Variants in CALN1 observed in about 807,000 individuals in gnomAD.
The protein encoded by CALN1 is calneuron 1.
CALN1 carries 17 observed loss-of-function variants against 30.6 expected under a neutral mutation model. The observed-to-expected ratio is 0.56, with a 90% CI of 0.38 to 0.83. The LOEUF is 0.83. Ranked by LOEUF, CALN1 falls within the 40% of genes least tolerant of loss-of-function variation. The pLI, the probability that CALN1 is intolerant of heterozygous loss-of-function variation, is 0.00. For synonymous variants in CALN1, 156 were observed against 131.4 expected (o/e 1.19, Z -1.28); for missense variants, 291 against 354.9 (o/e 0.82, Z 1.45).
intron 4 of CALN1, among the ~76,000 whole-genome samples, chr7:72,025,214 G>A (rs1242769479): frequency 2.6e-5 from 4 of 152,160 alleles, no homozygotes; most frequent in African/African-American, 2.4e-5. Context: ...GGAGGCTGAG[G>A]CAGGAGAATC....
At position 72,254,279 on chromosome 7, in the gene CALN1, C is replaced by G. The variant is rs112598074; in HGVS notation, c.244+24407G>C. Among the ~76,000 whole-genome samples, 374 of 152,320 alleles carry G rather than the reference C, an allele frequency of 2.5e-3. 2 individuals carry two copies. The highest frequency in any genetic ancestry group is 8.5e-3 in the African/African-American group (352 of 41,578). ...ATGAACAATTTTATAGCTGCCTTCT[C>G]TACAGATGCCCTGGTTTTGTTGCAC... is the stretch of plus-strand genomic sequence containing the variant. On this transcript the variant is annotated intron_variant, in intron 3 of 6. Transcript: ENST00000395275.
chr7:72,263,095 G>A (rs752336250), intron 3 of CALN1, among the ~76,000 whole-genome samples: 4 of 152,118 alleles, frequency 2.6e-5, no homozygotes, highest in African/African-American at 4.8e-5. Flanking sequence ...CCAGTGTTGG[G>A]GTGGTGGTCC....
At chr7:72,110,305 C>G (rs781401985) in intron 3 of CALN1, among the ~76,000 whole-genome samples, 1 of 152,190 alleles carries the variant, frequency 6.6e-6, no homozygotes, top group Non-Finnish European at 1.5e-5. Context: ...TTTGGACCTC[C>G]GAGTTGCCCC....
chr7:72,174,445 A>C (rs564118263), intron 3 of CALN1, among the ~76,000 whole-genome samples: 1 of 152,204 alleles, frequency 6.6e-6, no homozygotes, highest in Non-Finnish European at 1.5e-5. Flanking sequence ...ACATTCAAAG[A>C]AGCTTTATTA....
chr7:72,041,527 G>T (rs1019062335), intron 4 of CALN1, among the ~76,000 whole-genome samples: 1 of 152,052 alleles, frequency 6.6e-6, no homozygotes, highest in Non-Finnish European at 1.5e-5. Flanking sequence ...GGGATAACAG[G>T]TGCACACCAC....
chr7:71,836,846 A>G (rs1239027488), intron 5 of CALN1, among the ~76,000 whole-genome samples: 13 of 151,322 alleles, frequency 8.6e-5, no homozygotes. Context: ...TCAAACTCCC[A>G]ACCTCAAGTC....
chr7:72,399,270 C>CCTTT (rs34518236), intron 2 of CALN1, among the ~76,000 whole-genome samples: 1 of 106,778 alleles, frequency 9.4e-6, no homozygotes, highest in Non-Finnish European at 1.7e-5. Context: ...TAACCTATTG[C>CCTTT]TTTTTTTTTT....
chr7:71,808,571 T>A (rs996989036), intron 6 of CALN1, among the ~76,000 whole-genome samples: 6 of 152,154 alleles, frequency 3.9e-5, no homozygotes, highest in African/African-American at 1.2e-4. Context: ...GTCAGGCATT[T>A]ATTTTATTAA....
At chr7:72,105,790 G>A (rs1563062364) in intron 4 of CALN1, among the ~76,000 whole-genome samples, 1 of 91,798 alleles carries the variant, frequency 1.1e-5, no homozygotes, top group Non-Finnish European at 2.0e-5. Context: ...GGAGGAGGGG[G>A]GAGGGAGGGA....
chr7:72,365,263 T>C (rs990730135), intron 2 of CALN1, among the ~76,000 whole-genome samples: 2 of 151,884 alleles, frequency 1.3e-5, no homozygotes, highest in African/African-American at 4.8e-5. Context: ...CTTTACAAAA[T>C]TACATATAGA....
intron 2 of CALN1, among the ~76,000 whole-genome samples, chr7:72,324,539 T>C (rs1035539319): frequency 4.8e-5 from 7 of 146,008 alleles, no homozygotes; most frequent in Non-Finnish European, 1.1e-4. Context: ...TCTCTCTTTT[T>C]CCCTCCTTTT....
intron 2 of CALN1, among the ~76,000 whole-genome samples, chr7:72,384,559 G>T (rs1805091677): frequency 6.6e-6 from 1 of 152,004 alleles, no homozygotes; most frequent in Admixed American, 6.6e-5. Context: ...GCTTGAGCCT[G>T]GGAGTTCAAA....
At position 72,361,190 on chromosome 7, in the gene CALN1, A is replaced by G. The variant is rs901271853; in HGVS notation, c.119+42061T>C. Among the ~76,000 whole-genome samples the G allele has an allele frequency of 2.0e-5, 3 of 152,024 alleles. No homozygotes were observed. In the East Asian group the frequency reaches 5.8e-4, roughly 29 times the overall value. On this transcript the variant is annotated intron_variant, in intron 2 of 6. Coordinates refer to ENST00000395275, the MANE Select transcript of CALN1 (RefSeq NM_031468.4). ...AAGATGAAGCATCAAATATCTCCAA[A>G]TATCCCCAACTCTCCAGCCCCACGC...
chr7:71,789,871 G>A (rs963243858), intron 6 of CALN1, among the ~76,000 whole-genome samples: 2 of 151,922 alleles, frequency 1.3e-5, no homozygotes, highest in African/African-American at 4.8e-5. Flanking sequence ...CAAGGCAGGA[G>A]GATTGCTTGA....
intron 2 of CALN1, among the ~76,000 whole-genome samples, chr7:72,303,201 A>G (rs1799415678): frequency 6.6e-6 from 1 of 152,220 alleles, no homozygotes; most frequent in African/African-American, 2.4e-5. Context: ...GATCTAATTC[A>G]TGAGATGGAT....
chr7:72,424,763 A>AT (rs1350093299), intron 1 of CALN1, among the ~76,000 whole-genome samples: 2 of 151,888 alleles, frequency 1.3e-5, no homozygotes, highest in African/African-American at 2.4e-5. Context: ...CTCCCATATA[A>AT]TTTTTTTATT....
intron 4 of CALN1, among the ~76,000 whole-genome samples, chr7:72,072,183 T>C (rs1804444072): frequency 6.6e-6 from 1 of 152,170 alleles, no homozygotes; most frequent in Non-Finnish European, 1.5e-5. Context: ...ATGAACTTCA[T>C]CTAAGATGAA....
chr7:72,102,708 T>C (rs59738349), intron 4 of CALN1, among the ~76,000 whole-genome samples: 34,561 of 151,994 alleles, frequency 0.23, 4,865 homozygotes, highest in East Asian at 0.69. Context: ...GAAGCAACTA[T>C]AGAGACAGAA....
the CALN1 span, among the ~76,000 whole-genome samples, chr7:72,487,951 AAGGAAAGGAAGGAAGG>A: frequency 1.4e-5 from 1 of 72,354 alleles, no homozygotes; most frequent in Admixed American, 1.3e-4. Flanking sequence ...GGAAGGAAGG[AAGGAAAGGAAGGAAGG>A]AAGGAAGGAA....
Sources: gnomAD v4.1 joint callset for allele counts (sites outside exome capture counted in the v4.1 genomes callset) on GRCh38, gnomAD v4.1.1 for gene constraint, MANE v1.5 for transcripts, NCBI Gene and HGNC (gene_info 2026-07-23, HGNC 2026-07-21) for gene names.